The following GRIA4 variants were observed in gnomAD, a reference collection of about 807,000 sequenced individuals.
GRIA4 encodes glutamate receptor 4.
In GRIA4, 34 loss-of-function variants were observed where a neutral mutation model predicts 104.0. The observed-to-expected ratio is 0.33, with a 90% confidence interval of 0.25 to 0.44. The LOEUF is 0.44. Among genes scored for constraint, GRIA4 ranks in the 20% least tolerant of loss-of-function variants. The pLI is 1.00. For synonymous variants in GRIA4, 386 were observed against 381.9 expected (o/e 1.01, Z -0.13); for missense variants, 750 against 1,096.5 (o/e 0.68, Z 4.46).
At chr11:105,888,271 CTTTTTTTTTTTTTTTTTT>C (rs71469040) in intron 6 of GRIA4, among the ~76,000 whole-genome samples, 2 of 54,560 alleles carry the variant, frequency 3.7e-5, no homozygotes, top group Non-Finnish European at 6.0e-5. Flanking sequence ...ATGTTTTCTC[CTTTTTTTTTTTTTTTTTT>C]TTTTTTTTTT....
At chr11:105,823,003 C>T (rs1943633110) in intron 4 of GRIA4, among the ~76,000 whole-genome samples, 2 of 152,086 alleles carry the variant, frequency 1.3e-5, no homozygotes, top group South Asian at 4.1e-4. Context: ...TATTTATAGC[C>T]TCTTCCAATG....
rs1859219324 is a variant in GRIA4 at position 105,980,627 on chromosome 11, G to A, written c.*888G>A. 2.0e-5 allele frequency: 3 copies of A among 152,530 alleles called. No homozygotes were observed. Among genetic ancestry groups the A allele is most frequent in the African/African-American group, 7.2e-5 (3 of 41,418 alleles). 9.4% of individuals were successfully genotyped at this position (152,530 alleles called of 1,614,324 possible). A position where few individuals can be genotyped will look rare whatever the true frequency, so the allele number is the denominator to read the frequency against. ...AGATGACAGGTCACTCATGTTAATG[G>A]TATTATTTATAATCTCATTCTGTGT... On this transcript the variant is annotated 3_prime_UTR_variant, in exon 17 of 17. Coordinates refer to ENST00000282499, the MANE Select transcript of GRIA4 (RefSeq NM_000829.4).
intron 14 of GRIA4, among the ~76,000 whole-genome samples, chr11:105,960,154 G>A (rs1360247658): frequency 6.6e-6 from 1 of 152,240 alleles, no homozygotes; most frequent in Non-Finnish European, 1.5e-5. Flanking sequence ...GAGAGGGTGT[G>A]TTTTGCTGGG....
chr11:105,953,569 A>G (rs577458392), intron 14 of GRIA4, among the ~76,000 whole-genome samples: 3 of 152,258 alleles, frequency 2.0e-5, no homozygotes, highest in African/African-American at 7.2e-5. Context: ...ATTTCATGAA[A>G]TTACTATTTT....
intron 3 of GRIA4, among the ~76,000 whole-genome samples, chr11:105,659,098 T>A (rs917326652): frequency 2.6e-5 from 4 of 151,972 alleles, no homozygotes; most frequent in African/African-American, 9.7e-5. Flanking sequence ...AGGAAACTCA[T>A]GAAACAGAAA....
Position 105,653,180 on chromosome 11 carries a change from G to A in GRIA4, c.247+40746G>A, listed in dbSNP as rs1277387477. On this transcript the variant is annotated intron_variant, in intron 3 of 16. Coordinates refer to ENST00000282499, the MANE Select transcript of GRIA4 (RefSeq NM_000829.4). ...CCCGCCTCGGCCTCCCAAAGTCCTG[G>A]GATTACAGGCGTCAGCCACCGCACC... Among the ~76,000 whole-genome samples the A allele has an allele frequency of 2.0e-5, 3 of 152,142 alleles. No individual in the cohort carries two copies. In the East Asian group the frequency reaches 5.8e-4, roughly 29 times the overall value.
chr11:105,780,087 T>G (rs1285578712), intron 4 of GRIA4, among the ~76,000 whole-genome samples: 2 of 152,208 alleles, frequency 1.3e-5, no homozygotes, highest in Non-Finnish European at 2.9e-5. Flanking sequence ...TCTGCTACAG[T>G]GGTCTCCTAT....
At chr11:105,904,312 C>A (rs774670936) in intron 8 of GRIA4, among the ~76,000 whole-genome samples, 2 of 152,144 alleles carry the variant, frequency 1.3e-5, no homozygotes, top group Non-Finnish European at 2.9e-5. Flanking sequence ...CACTCGAGGA[C>A]GTAGGCTTGC....
At chr11:105,688,787 C>A (rs912532899) in intron 3 of GRIA4, among the ~76,000 whole-genome samples, 1 of 152,062 alleles carries the variant, frequency 6.6e-6, no homozygotes, top group Non-Finnish European at 1.5e-5. Flanking sequence ...TAAAGAGATT[C>A]TGTTAGCAGA....
rs145086302 is a variant in GRIA4 at position 105,853,698 on chromosome 11, C to G, written c.488-8326C>G. Among the ~76,000 whole-genome samples the G allele has an allele frequency of 3.4e-4, 52 of 152,134 alleles. No individual in the cohort carries two copies. The East Asian group carries it at 9.5e-3, about 28-fold the overall frequency. ...TGATACAATGAAATATCTCCTGGCT[C>G]TTATACAGATAAGTACAGGATTGGT... On this transcript the variant is annotated intron_variant, in intron 4 of 16. Transcript: ENST00000282499.
At chr11:105,904,781 T>A (rs1464114050) in intron 8 of GRIA4, among the ~76,000 whole-genome samples, 1 of 152,170 alleles carries the variant, frequency 6.6e-6, no homozygotes, top group Non-Finnish European at 1.5e-5. Context: ...TTGCTTCTTA[T>A]ATCTTAATTT....
At chr11:105,774,472 T>C (rs1206783498) in intron 4 of GRIA4, among the ~76,000 whole-genome samples, 2 of 152,078 alleles carry the variant, frequency 1.3e-5, no homozygotes, top group Non-Finnish European at 2.9e-5. Context: ...GAAAAATGTA[T>C]ATCTTAATTT....
At chr11:105,966,186 T>G in intron 14 of GRIA4, 1 of 652,106 alleles carries the variant, frequency 1.5e-6, no homozygotes, top group African/African-American at 1.8e-5. Context: ...TTCGCAAACT[T>G]ACGTATGCAG....
intron 11 of GRIA4, among the ~76,000 whole-genome samples, chr11:105,920,689 CAA>C (rs2136188018): frequency 2.6e-5 from 4 of 152,178 alleles, no homozygotes; most frequent in Admixed American, 2.6e-4. Context: ...GTCACAATAA[CAA>C]AAAGTCCCAA....
At chr11:105,941,276 T>G (rs1292970708) in intron 14 of GRIA4, among the ~76,000 whole-genome samples, 1 of 152,214 alleles carries the variant, frequency 6.6e-6, no homozygotes, top group African/African-American at 2.4e-5. Context: ...ATGAACAAAT[T>G]TCATACTTCA....
intron 4 of GRIA4, among the ~76,000 whole-genome samples, chr11:105,826,677 T>A (rs1470736386): frequency 6.6e-6 from 1 of 152,040 alleles, no homozygotes; most frequent in Non-Finnish European, 1.5e-5. Context: ...AAGTCACATA[T>A]TTCTCGCCTT....
chr11:105,936,820 A>G (rs568047896), intron 14 of GRIA4, among the ~76,000 whole-genome samples: 39 of 152,300 alleles, frequency 2.6e-4, no homozygotes, highest in Middle Eastern at 3.4e-3. Context: ...GGTGACTAGC[A>G]CCTGTCCTTA....
rs75258556 is a variant in GRIA4, at chr11:105,710,602, T to A, written c.248-42379T>A. ...GGTAGATTTATTCAATATTAGTTTA[T>A]ATACAAAACATCTGGAGAAAGAGAA... is the stretch of plus-strand genomic sequence containing the variant. On this transcript the variant is annotated intron_variant, in intron 3 of 16. Transcript: ENST00000282499. Among the ~76,000 whole-genome samples, 218 of 152,286 alleles carry A rather than the reference T, an allele frequency of 1.4e-3. 4 individuals carry two copies. In the East Asian group the frequency reaches 0.034, roughly 23 times the overall value.
chr11:105,734,084 C>CAT lies in GRIA4; in HGVS notation c.248-18885_248-18884dup, dbSNP rs200363476. 9.1e-4 allele frequency among the ~76,000 whole-genome samples: 132 copies of CAT among 145,138 alleles called. 2 individuals carry two copies. Among genetic ancestry groups the CAT allele is most frequent in the Middle Eastern group, 3.6e-3 (1 of 274 alleles). On this transcript the variant is annotated intron_variant, in intron 3 of 16. Coordinates refer to ENST00000282499, the MANE Select transcript of GRIA4 (RefSeq NM_000829.4). ...TTATATATAATATATATATTTTATACATATATATATATAAAATATCTTGCC... is the reference window on the plus strand; with the variant it reads ...TTATATATAATATATATATTTTATACATATATATATATATAAAATATCTTGCC...
Sources: gnomAD v4.1 joint callset for allele counts (sites outside exome capture counted in the v4.1 genomes callset) on GRCh38, gnomAD v4.1.1 for gene constraint, MANE v1.5 for transcripts, NCBI Gene and HGNC (gene_info 2026-07-23, HGNC 2026-07-21) for gene names.